THSD7A: variants seen among roughly 807,000 people sequenced by gnomAD.
THSD7A encodes the protein thrombospondin type-1 domain-containing protein 7A.
In THSD7A, 96 loss-of-function variants were observed where a neutral mutation model predicts 231.3. The ratio of observed to expected loss-of-function variants is 0.41; its 90% CI spans 0.35 to 0.49. The LOEUF (loss-of-function observed/expected upper bound fraction) is 0.49, where lower values mean the gene tolerates loss of function less well. THSD7A is among the 20% of genes least tolerant of loss of function. The pLI, the probability that THSD7A is intolerant of heterozygous loss-of-function variation, is 0.05. For missense variants in THSD7A, 2,290 were observed against 2,070.2 expected (o/e 1.11, Z -2.06); for synonymous variants, 940 against 743.3 (o/e 1.26, Z -4.30).
At chr7:11,511,081 A>G (rs1787788494) in intron 6 of THSD7A, among the ~76,000 whole-genome samples, 1 of 152,332 alleles carries the variant, frequency 6.6e-6, no homozygotes, top group Non-Finnish European at 1.5e-5. Flanking sequence ...CAACTTCAGC[A>G]AAGTCTCAGG....
At chr7:11,422,684 C>T (rs988488457) in intron 16 of THSD7A, among the ~76,000 whole-genome samples, 11 of 151,546 alleles carry the variant, frequency 7.3e-5, no homozygotes, top group Non-Finnish European at 1.3e-4. Context: ...GATGGAGTCT[C>T]GCTATGTGGC....
chr7:11,495,152 A>G (rs1303111442), intron 6 of THSD7A, among the ~76,000 whole-genome samples: 1 of 152,032 alleles, frequency 6.6e-6, no homozygotes, highest in Non-Finnish European at 1.5e-5. Context: ...CATTATATTC[A>G]CTAGAAAAGT....
chr7:11,561,397 A>G (rs1486668722), intron 4 of THSD7A, among the ~76,000 whole-genome samples: 2 of 152,208 alleles, frequency 1.3e-5, no homozygotes, highest in Non-Finnish European at 2.9e-5. Flanking sequence ...AGAAATGGAA[A>G]CTAAATTTTC....
intron 1 of THSD7A, among the ~76,000 whole-genome samples, chr7:11,785,872 T>C (rs1161465538): frequency 6.6e-6 from 1 of 152,118 alleles, no homozygotes; most frequent in African/African-American, 2.4e-5. Flanking sequence ...AAACATCAAA[T>C]GTGCTCTTAG....
chr7:11,782,355 C>T (rs531668525), intron 1 of THSD7A, among the ~76,000 whole-genome samples: 21 of 152,144 alleles, frequency 1.4e-4, no homozygotes, highest in Admixed American at 6.5e-5. Flanking sequence ...TCGAGATGGG[C>T]CTATGATGTC....
intron 23 of THSD7A, among the ~76,000 whole-genome samples, chr7:11,393,065 G>A (rs1783046801): frequency 6.6e-6 from 1 of 152,194 alleles, no homozygotes; most frequent in African/African-American, 2.4e-5. Context: ...TCCCGAAGTG[G>A]GTCCCTGACC....
chr7:11,483,612 T>C (rs747926499), intron 6 of THSD7A, among the ~76,000 whole-genome samples: 4 of 152,184 alleles, frequency 2.6e-5, no homozygotes, highest in Non-Finnish European at 5.9e-5. Flanking sequence ...ATAAGGCATT[T>C]AATATTTTAC....
intron 1 of THSD7A, among the ~76,000 whole-genome samples, chr7:11,657,735 T>G (rs1328694751): frequency 6.6e-6 from 1 of 151,820 alleles, no homozygotes; most frequent in Non-Finnish European, 1.5e-5. Flanking sequence ...CCTTTTGTAG[T>G]TCCCACTATA....
At chr7:11,678,768 T>C (rs1046646677) in intron 1 of THSD7A, among the ~76,000 whole-genome samples, 4 of 152,056 alleles carry the variant, frequency 2.6e-5, no homozygotes, top group African/African-American at 7.3e-5. Flanking sequence ...CTACCAGAGG[T>C]ACAAAGAGGA....
chr7:11,704,767 G>C (rs1780711970), intron 1 of THSD7A, among the ~76,000 whole-genome samples: 1 of 151,124 alleles, frequency 6.6e-6, no homozygotes, highest in South Asian at 2.1e-4. Context: ...TTTATGGATT[G>C]TGACAAGAAA....
At position 11,374,772 on chromosome 7, in the gene THSD7A, A is replaced by G. The variant is rs1413544561; in HGVS notation, c.*1022T>C. 3 of 152,062 alleles carry G rather than the reference A, an allele frequency of 2.0e-5. No individual in the cohort carries two copies. Among genetic ancestry groups the G allele is most frequent in the African/African-American group, 7.2e-5 (3 of 41,422 alleles). 9.4% of individuals were successfully genotyped at this position (152,062 alleles called of 1,614,324 possible). ...CACTTAAATTACCGCCATGTTGTCA[A>G]TTTCACAATGGCTGCAGTGATGAGG... On this transcript the variant is annotated 3_prime_UTR_variant, in exon 28 of 28. Coordinates refer to ENST00000423059, the MANE Select transcript of THSD7A (RefSeq NM_015204.3).
intron 2 of THSD7A, among the ~76,000 whole-genome samples, chr7:11,604,571 T>C (rs924809784): frequency 3.3e-5 from 5 of 152,252 alleles, no homozygotes; most frequent in Non-Finnish European, 7.4e-5. Flanking sequence ...TAATGAGATA[T>C]GATTTATTTT....
At chr7:11,709,684 G>A (rs369714161) in intron 1 of THSD7A, among the ~76,000 whole-genome samples, 58 of 150,916 alleles carry the variant, frequency 3.8e-4, no homozygotes, top group African/African-American at 8.9e-4. Flanking sequence ...ACACCTAGAA[G>A]AAGCCAGTGC....
Position 11,542,871 on chromosome 7 carries a change from A to C in THSD7A, c.1609+91T>G, listed in dbSNP as rs938933611. On this transcript the variant is annotated intron_variant, in intron 5 of 27. Transcript: ENST00000423059. The stretch of plus-strand genomic sequence containing the variant: ...CTTTAGCCATTCTGGAAAATACCAC[A>C]AACAAGGAACACAGAAGAGCATTTT... 42 of 1,390,502 alleles carry C rather than the reference A, an allele frequency of 3.0e-5. No homozygotes were observed. The African/African-American group carries it at 4.6e-4, about 15-fold the overall frequency. The allele number at this position is 1,390,502 out of a possible 1,614,324, so 86.1% of individuals were successfully genotyped here. A position where few individuals can be genotyped will look rare whatever the true frequency, so the allele number is the denominator to read the frequency against.
chr7:11,797,071 G>A (rs1484728870), intron 1 of THSD7A, among the ~76,000 whole-genome samples: 1 of 152,066 alleles, frequency 6.6e-6, no homozygotes, highest in Non-Finnish European at 1.5e-5. Context: ...AAACTCCCCA[G>A]ACATCCTGGG....
intron 6 of THSD7A, among the ~76,000 whole-genome samples, chr7:11,541,000 C>G (rs1456569824): frequency 6.6e-6 from 1 of 152,110 alleles, no homozygotes; most frequent in Non-Finnish European, 1.5e-5. Flanking sequence ...AAGGAAAATA[C>G]TTTTAGAGTC....
At chr7:11,736,598 T>C (rs4236265) in intron 1 of THSD7A, among the ~76,000 whole-genome samples, 32,355 of 151,972 alleles carry the variant, frequency 0.21, 4,838 homozygotes, top group African/African-American at 0.42. Context: ...AAGTTCTGAA[T>C]AATGTTTTTA....
At chr7:11,735,027 C>G (rs1174363020) in intron 1 of THSD7A, among the ~76,000 whole-genome samples, 2 of 151,926 alleles carry the variant, frequency 1.3e-5, no homozygotes, top group Non-Finnish European at 2.9e-5. Flanking sequence ...CCCTCTGCTT[C>G]TTCAAATAAG....
At chr7:11,739,765 A>G (rs1478538468) in intron 1 of THSD7A, among the ~76,000 whole-genome samples, 1 of 151,754 alleles carries the variant, frequency 6.6e-6, no homozygotes, top group African/African-American at 2.4e-5. Context: ...TGGTGTTTCT[A>G]CTTTTCTTCT....
Sources: gnomAD v4.1 joint callset for allele counts (sites outside exome capture counted in the v4.1 genomes callset) on GRCh38, gnomAD v4.1.1 for gene constraint, MANE v1.5 for transcripts, NCBI Gene and HGNC (gene_info 2026-07-23, HGNC 2026-07-21) for gene names.